SUGCT: variants seen among roughly 807,000 people sequenced by gnomAD.
SUGCT encodes the protein succinyl-CoA:glutarate-CoA transferase.
SUGCT carries 41 observed loss-of-function variants against 55.0 expected under a neutral mutation model. The ratio of observed to expected loss-of-function variants is 0.74; its 90% CI spans 0.58 to 0.97. The LOEUF (loss-of-function observed/expected upper bound fraction) is 0.97. SUGCT is among the 50% of genes least tolerant of loss of function. The probability of loss-of-function intolerance (pLI) is 0.00; values close to 1 mark genes in which losing one functional copy is unlikely to be tolerated. For synonymous variants in SUGCT, 187 were observed against 200.4 expected, an observed-to-expected ratio of 0.93 and a Z score of 0.56; for missense variants, 568 against 547.8, an observed-to-expected ratio of 1.04 and a Z score of -0.37.
At chr7:40,970,115 C>G in the SUGCT span, among the ~76,000 whole-genome samples, 3 of 152,244 alleles carry the variant, frequency 2.0e-5, no homozygotes, top group Non-Finnish European at 4.4e-5. Flanking sequence ...TAATTGGGAA[C>G]TTTTCAGAAT....
intron 12 of SUGCT, among the ~76,000 whole-genome samples, chr7:40,687,035 C>T (rs1053898915): frequency 6.6e-5 from 10 of 152,124 alleles, no homozygotes; most frequent in African/African-American, 2.4e-4. Flanking sequence ...ACCCCCAACC[C>T]ACAATTTCAT....
At chr7:40,621,511 C>T (rs1799263746) in intron 12 of SUGCT, among the ~76,000 whole-genome samples, 2 of 152,204 alleles carry the variant, frequency 1.3e-5, no homozygotes, top group African/African-American at 4.8e-5. Flanking sequence ...GGGCCTTTGG[C>T]TATAAAGCAA....
rs557341554 is a variant in SUGCT, at chr7:40,434,689, TA to T, written c.817-14597del. On this transcript the variant is annotated intron_variant, in intron 9 of 13. Transcript: ENST00000335693. Reference sequence around the variant, plus strand: ...CACATGCATTTTAGATGCCTTGAGTTAGGCTTCCAGATCTGATCATCCAGTA... The same window carrying T: ...CACATGCATTTTAGATGCCTTGAGTTGGCTTCCAGATCTGATCATCCAGTA... 3.7e-4 allele frequency among the ~76,000 whole-genome samples: 56 copies of T among 152,304 alleles called. No individual in the cohort carries two copies. The East Asian group carries it at 9.6e-3, about 26-fold the overall frequency.
the SUGCT span, among the ~76,000 whole-genome samples, chr7:40,885,001 C>T: frequency 6.6e-6 from 1 of 152,072 alleles, no homozygotes; most frequent in Non-Finnish European, 1.5e-5. Context: ...CCTTGGTTTC[C>T]TCATTATTAA....
At chr7:40,352,895 A>G (rs1402675281) in intron 9 of SUGCT, among the ~76,000 whole-genome samples, 10 of 152,168 alleles carry the variant, frequency 6.6e-5, no homozygotes, top group Admixed American at 5.9e-4. Context: ...ATTCTCATCA[A>G]CAGTATAAGT....
chr7:40,742,162 TTATG>T (rs1347114911), intron 12 of SUGCT, among the ~76,000 whole-genome samples: 1 of 152,180 alleles, frequency 6.6e-6, no homozygotes, highest in African/African-American at 2.4e-5. Context: ...TTTGTGTAAA[TTATG>T]TGTGTGTGTA....
At chr7:40,749,362 G>A in intron 12 of SUGCT, 72 bp from the exon 13 acceptor site, 2 of 1,157,982 alleles carry the variant, frequency 1.7e-6, no homozygotes, top group Non-Finnish European at 2.6e-6. Context: ...TGAATAGATG[G>A]CTGTCCATGC....
the SUGCT span, among the ~76,000 whole-genome samples, chr7:41,019,149 A>C: frequency 6.6e-6 from 1 of 152,028 alleles, no homozygotes; most frequent in Admixed American, 6.6e-5. Flanking sequence ...CAGGTGATCC[A>C]CCTGCCTCGG....
chr7:40,475,062 T>C (rs1020610990), intron 11 of SUGCT, among the ~76,000 whole-genome samples: 2 of 152,228 alleles, frequency 1.3e-5, no homozygotes, highest in African/African-American at 4.8e-5. Context: ...CCACGTTGAC[T>C]TGCATTGGGT....
the SUGCT span, among the ~76,000 whole-genome samples, chr7:40,867,283 C>T: frequency 6.7e-6 from 1 of 150,142 alleles, no homozygotes; most frequent in African/African-American, 2.4e-5. Flanking sequence ...ATAAGAACAT[C>T]TCATAAGCTC....
chr7:40,896,043 A>G, the SUGCT span, among the ~76,000 whole-genome samples: 3 of 152,218 alleles, frequency 2.0e-5, no homozygotes, highest in Admixed American at 6.5e-5. Flanking sequence ...CAAATTTGGA[A>G]GAAAGAAGTA....
chr7:40,467,107 C>G (rs1006438892), intron 11 of SUGCT, among the ~76,000 whole-genome samples: 1 of 147,084 alleles, frequency 6.8e-6, no homozygotes, highest in African/African-American at 2.6e-5. Context: ...GAGACTGAGG[C>G]AGGGGAATTG....
intron 6 of SUGCT, among the ~76,000 whole-genome samples, chr7:40,213,741 T>G (rs1257972080): frequency 6.6e-6 from 1 of 152,206 alleles, no homozygotes; most frequent in African/African-American, 2.4e-5. Context: ...CAGTATTGAC[T>G]TATGTATATT....
chr7:40,848,366 A>G (rs1793683861), intron 13 of SUGCT, among the ~76,000 whole-genome samples: 1 of 152,148 alleles, frequency 6.6e-6, no homozygotes, highest in African/African-American at 2.4e-5. Context: ...AAATGTATAT[A>G]TACTGGACAG....
At chr7:40,669,105 T>G (rs1472515059) in intron 12 of SUGCT, among the ~76,000 whole-genome samples, 4 of 152,110 alleles carry the variant, frequency 2.6e-5, no homozygotes, top group African/African-American at 9.7e-5. Flanking sequence ...GCCCCTTCCA[T>G]TCAGGGCAAT....
chr7:40,682,684 A>G (rs1441355182), intron 12 of SUGCT, among the ~76,000 whole-genome samples: 1 of 152,040 alleles, frequency 6.6e-6, no homozygotes, highest in Non-Finnish European at 1.5e-5. Flanking sequence ...TTCTATGTCT[A>G]TTAAGGTTTC....
chr7:40,587,604 T>C (rs756676015), intron 12 of SUGCT, among the ~76,000 whole-genome samples: 8 of 152,316 alleles, frequency 5.3e-5, no homozygotes, highest in Non-Finnish European at 7.4e-5. Context: ...TATTTGTCAT[T>C]GCCATGGCAA....
At chr7:40,629,390 T>C (rs1584163664) in intron 12 of SUGCT, among the ~76,000 whole-genome samples, 3 of 152,168 alleles carry the variant, frequency 2.0e-5, no homozygotes, top group Non-Finnish European at 2.9e-5. Flanking sequence ...CAGGGGAGAC[T>C]CTCAGATGAA....
intron 12 of SUGCT, among the ~76,000 whole-genome samples, chr7:40,611,766 C>A (rs942034955): frequency 1.3e-5 from 2 of 152,070 alleles, no homozygotes; most frequent in African/African-American, 2.4e-5. Flanking sequence ...ATTTTATAAT[C>A]CTATTAAGGC....
Sources: gnomAD v4.1 joint callset for allele counts (sites outside exome capture counted in the v4.1 genomes callset) on GRCh38, gnomAD v4.1.1 for gene constraint, MANE v1.5 for transcripts, NCBI Gene and HGNC (gene_info 2026-07-23, HGNC 2026-07-21) for gene names.